PTPRZ1: variants seen among roughly 807,000 people sequenced by gnomAD.
The protein encoded by PTPRZ1 is protein tyrosine phosphatase receptor type Z1.
Under a neutral mutation model 214.1 loss-of-function variants are expected in PTPRZ1, and 82 were observed. The ratio of observed to expected loss-of-function variants is 0.38; its 90% confidence interval spans 0.32 to 0.46. PTPRZ1 has a LOEUF of 0.46. Among genes scored for constraint, PTPRZ1 ranks in the 20% least tolerant of loss-of-function variants. PTPRZ1 has a pLI of 1.00. For synonymous variants in PTPRZ1, 945 were observed against 987.9 expected (o/e 0.96, Z 0.81); for missense variants, 2,603 against 2,748.7 (o/e 0.95, Z 1.19).
At chr7:121,953,757 C>T (rs1397469688) in intron 2 of PTPRZ1, among the ~76,000 whole-genome samples, 1 of 152,162 alleles carries the variant, frequency 6.6e-6, no homozygotes, top group Non-Finnish European at 1.5e-5. Flanking sequence ...TTGAGGAGAG[C>T]TCAGTGTAGA....
At chr7:121,876,899 A>AAGC (rs1794079441) in intron 1 of PTPRZ1, among the ~76,000 whole-genome samples, 1 of 152,132 alleles carries the variant, frequency 6.6e-6, no homozygotes. Context: ...CTGGAAGCAT[A>AAGC]AGCTGCGTTT....
chr7:122,057,645 C>CTTTTTTTTTTTTTTTGTTTTTT (rs5887066), intron 27 of PTPRZ1, among the ~76,000 whole-genome samples: 1 of 128,176 alleles, frequency 7.8e-6, no homozygotes, highest in Non-Finnish European at 1.7e-5. Context: ...CTTTGTGATT[C>CTTTTTTTTTTTTTTTGTTTTTT]TTTTTTTTTT....
intron 1 of PTPRZ1, among the ~76,000 whole-genome samples, chr7:121,927,635 T>C (rs1340582509): frequency 6.6e-6 from 1 of 152,204 alleles, no homozygotes; most frequent in Non-Finnish European, 1.5e-5. Flanking sequence ...AAACAACATA[T>C]GAACATTTAA....
chr7:121,911,310 A>G (rs1463128143), intron 1 of PTPRZ1, among the ~76,000 whole-genome samples: 1 of 152,142 alleles, frequency 6.6e-6, no homozygotes, highest in Non-Finnish European at 1.5e-5. Flanking sequence ...TATGACCTGC[A>G]TGGATTTAAG....
In PTPRZ1 at chr7:122,061,265, C is replaced by T. The variant is rs1562888834; in HGVS notation, c.*45C>T. ...ACTCACATCTGAGCATTGTTTTCCT[C>T]TTCCTAAAATTAGGCAGGAAAATCA... is the stretch of plus-strand genomic sequence containing the variant. On this transcript the variant is annotated 3_prime_UTR_variant, in exon 30 of 30. Coordinates refer to ENST00000393386, the MANE Select transcript of PTPRZ1 (RefSeq NM_002851.3). 6.8e-7 allele frequency: 1 copy of T among 1,467,638 alleles called. No homozygotes were observed. The highest frequency in any genetic ancestry group is 9.2e-7 in the Non-Finnish European group (1 of 1,091,500). The allele number at this position is 1,467,638 out of a possible 1,614,324, so 90.9% of individuals were successfully genotyped here.
chr7:121,896,178 T>A (rs985971377), intron 1 of PTPRZ1, among the ~76,000 whole-genome samples: 2 of 152,240 alleles, frequency 1.3e-5, no homozygotes, highest in African/African-American at 4.8e-5. Context: ...TTTAAAATTT[T>A]ATTGTGATAA....
intron 13 of PTPRZ1, among the ~76,000 whole-genome samples, chr7:122,023,652 ATATAT>A (rs1185478847): frequency 1.5e-5 from 2 of 132,166 alleles, no homozygotes; most frequent in Non-Finnish European, 3.1e-5. Flanking sequence ...ATATAATTAT[ATATAT>A]TATATGTATA....
intron 27 of PTPRZ1, among the ~76,000 whole-genome samples, chr7:122,057,415 T>A (rs1473511086): frequency 6.6e-6 from 1 of 151,826 alleles, no homozygotes; most frequent in Non-Finnish European, 1.5e-5. Flanking sequence ...ATATGTTTTA[T>A]ACATATTATT....
chr7:121,910,934 G>A (rs1179766757), intron 1 of PTPRZ1, among the ~76,000 whole-genome samples: 1 of 152,078 alleles, frequency 6.6e-6, no homozygotes, highest in East Asian at 1.9e-4. Context: ...TCATAGTCAT[G>A]GAAAATAAAG....
chr7:121,899,132 C>T (rs1410928603), intron 1 of PTPRZ1, among the ~76,000 whole-genome samples: 1 of 151,970 alleles, frequency 6.6e-6, no homozygotes, highest in Admixed American at 6.6e-5. Flanking sequence ...TTCAAAAGCC[C>T]TTCAGTACTA....
At chr7:121,883,367 C>A (rs1411059780) in intron 1 of PTPRZ1, among the ~76,000 whole-genome samples, 3 of 152,174 alleles carry the variant, frequency 2.0e-5, no homozygotes, top group Admixed American at 6.5e-5. Context: ...CTACTTACTT[C>A]ATTCACCTTT....
Position 122,051,531 on chromosome 7 carries a change from G to A in PTPRZ1, c.6178+10G>A, listed in dbSNP as rs1324121198. On this transcript the variant is annotated intron_variant, in intron 24 of 29. Transcript: ENST00000393386. ...TCTTCTATCATCCCTGGTAAGTTGT[G>A]TTGATCCTTGAAAAAACAACTTTTT... 1.9e-6 allele frequency: 3 copies of A among 1,600,150 alleles called. No individual in the cohort carries two copies. The highest frequency in any genetic ancestry group is 8.5e-7 in the Non-Finnish European group (1 of 1,174,606).
chr7:122,041,405 A>T (rs1799729554), intron 21 of PTPRZ1, among the ~76,000 whole-genome samples: 1 of 149,552 alleles, frequency 6.7e-6, no homozygotes, highest in Non-Finnish European at 1.5e-5. Context: ...GCCAAAGCAC[A>T]CAGATTGTGA....
At position 122,011,800 on chromosome 7, in the gene PTPRZ1, T is replaced by G. The variant is rs755215437; in HGVS notation, c.2754T>G (p.His918Gln). ...VEPPSSDAMM[H>Q]ARSSGPEPSY... ...CACCCAGCAGTGATGCCATGATGCA[T>G]GCACGTTCTTCAGGGCCTGAACCTT... Residue 918 changes from histidine (H) to glutamine (Q), a missense_variant, in exon 12 of 30, where the codon CAT (histidine) becomes CAG (glutamine). Physicochemically the swap from His to Gln is conservative, Grantham distance 24. Around this residue, in one of 6 missense-constraint regions of PTPRZ1, gnomAD observed 1,913 missense variants for 1,914.3 expected, o/e 1.00. Transcript: ENST00000393386. 3 of 1,614,146 alleles carry G rather than the reference T, an allele frequency of 1.9e-6. No homozygotes were observed. In the South Asian group the frequency reaches 3.3e-5, roughly 18 times the overall value.
chr7:122,022,812 G>A (rs1016909793), intron 13 of PTPRZ1, among the ~76,000 whole-genome samples: 11 of 152,080 alleles, frequency 7.2e-5, no homozygotes, highest in African/African-American at 2.7e-4. Flanking sequence ...ATGCTTCCCA[G>A]TTGCAAAACT....
chr7:121,944,149 A>G (rs1241082577), intron 2 of PTPRZ1, among the ~76,000 whole-genome samples: 2 of 152,134 alleles, frequency 1.3e-5, no homozygotes, highest in African/African-American at 4.8e-5. Context: ...TACATAGGGA[A>G]ATTCCTGGCC....
intron 18 of PTPRZ1, among the ~76,000 whole-genome samples, chr7:122,036,938 G>A (rs1799561842): frequency 6.6e-6 from 1 of 152,162 alleles, no homozygotes; most frequent in Admixed American, 6.5e-5. Context: ...GTACCTTCAG[G>A]GTGGAATAGG....
chr7:122,009,547 G>T (rs1047962439), intron 11 of PTPRZ1, among the ~76,000 whole-genome samples: 5 of 150,318 alleles, frequency 3.3e-5, no homozygotes, highest in East Asian at 1.9e-4. Flanking sequence ...GTATATATAC[G>T]TATATGTATA....
At position 121,968,804 on chromosome 7, in the gene PTPRZ1, C is replaced by T. The variant is rs569881134; in HGVS notation, c.304+674C>T. On this transcript the variant is annotated intron_variant, in intron 3 of 29. Coordinates refer to ENST00000393386, the MANE Select transcript of PTPRZ1 (RefSeq NM_002851.3). ...GAAATTATGTAAAGGCAAATATACA[C>T]GTAAGACAAAGATTAGAAAAATATT... Among the ~76,000 whole-genome samples, 8 of 151,674 alleles carry T rather than the reference C, an allele frequency of 5.3e-5. No individual in the cohort carries two copies. The South Asian group carries it at 6.2e-4, about 12-fold the overall frequency.
Sources: gnomAD v4.1 joint callset for allele counts (sites outside exome capture counted in the v4.1 genomes callset) on GRCh38, gnomAD v4.1.1 for gene constraint, gnomAD v4.1.1 regional missense constraint, MANE v1.5 for transcripts, NCBI Gene and HGNC (gene_info 2026-07-23, HGNC 2026-07-21) for gene names.